Variants in VIT observed in about 807,000 individuals in gnomAD.
VIT encodes the protein vitrin.
A neutral mutation model predicts 78.0 loss-of-function variants in VIT; 99 were observed. The ratio of observed to expected loss-of-function variants is 1.27; its 90% CI spans 1.08 to 1.50. The LOEUF (loss-of-function observed/expected upper bound fraction) is 1.50, where lower values mean the gene tolerates loss of function less well. VIT is among the 40% of genes most tolerant of loss of function. VIT has a pLI of 0.00. For synonymous variants in VIT, 374 were observed against 334.3 expected (o/e 1.12, Z -1.29); for missense variants, 1,126 against 875.3 (o/e 1.29, Z -3.61).
intron 10 of VIT, among the ~76,000 whole-genome samples, chr2:36,782,398 C>T (rs1379680004): frequency 6.6e-6 from 1 of 152,194 alleles, no homozygotes; most frequent in Non-Finnish European, 1.5e-5. Context: ...GTGGGATGAG[C>T]TAGCTGACCT....
chr2:36,759,248 T>G, intron 6 of VIT: 1 of 1,506,542 alleles, frequency 6.6e-7, no homozygotes, highest in Non-Finnish European at 8.9e-7. Flanking sequence ...TTATTTTTTG[T>G]TTTTGCAATT....
At chr2:36,786,973 G>A (rs1665138311) in intron 11 of VIT, among the ~76,000 whole-genome samples, 156 bp from the exon 12 acceptor site, 1 of 152,212 alleles carries the variant, frequency 6.6e-6, no homozygotes, top group African/African-American at 2.4e-5. Flanking sequence ...GGAAACCCCT[G>A]TGGGATGTAA....
chr2:36,734,589 T>C (rs1162734118), intron 3 of VIT, among the ~76,000 whole-genome samples: 3 of 152,168 alleles, frequency 2.0e-5, no homozygotes, highest in East Asian at 3.9e-4. Context: ...ATGGGAAAAA[T>C]GGGAGAAGGA....
chr2:36,745,686 A>G (rs932821507), intron 4 of VIT, among the ~76,000 whole-genome samples: 1 of 152,212 alleles, frequency 6.6e-6, no homozygotes, highest in African/African-American at 2.4e-5. Context: ...GAAATCATTT[A>G]TCAGCTCAAG....
intron 7 of VIT, among the ~76,000 whole-genome samples, chr2:36,769,644 T>C (rs1669631616): frequency 6.6e-6 from 1 of 152,234 alleles, no homozygotes; most frequent in Non-Finnish European, 1.5e-5. Flanking sequence ...TGAAAATTAA[T>C]ATTTAATTGC....
intron 2 of VIT, among the ~76,000 whole-genome samples, chr2:36,719,804 G>A (rs1301901480): frequency 1.3e-5 from 2 of 152,068 alleles, no homozygotes; most frequent in Non-Finnish European, 2.9e-5. Flanking sequence ...ATCCAGGTGT[G>A]GTGGCATGTG....
intron 2 of VIT, among the ~76,000 whole-genome samples, chr2:36,720,839 A>G (rs1349288975): frequency 6.6e-6 from 1 of 152,130 alleles, no homozygotes; most frequent in Non-Finnish European, 1.5e-5. Context: ...CAAAATCCCC[A>G]TCTCTACTAA....
Position 36,805,676 on chromosome 2 carries a change from C to G in VIT, c.1389+12C>G, listed in dbSNP as rs771812003. The G allele has an allele frequency of 5.4e-5, 86 of 1,604,836 alleles. No homozygotes were observed. Among genetic ancestry groups the G allele is most frequent in the Non-Finnish European group, 7.2e-5 (84 of 1,173,758 alleles). On this transcript the variant is annotated intron_variant, in intron 14 of 15. Transcript: ENST00000379242. Reference sequence around the variant, plus strand: ...ACTTTGCAAACAAGGTAGATGACTGCCCGGAGACCTACCCAACATCAGGAT... The same window carrying G: ...ACTTTGCAAACAAGGTAGATGACTGGCCGGAGACCTACCCAACATCAGGAT...
intron 6 of VIT, 191 bp downstream of exon 6, chr2:36,759,237 T>C (rs1668963821): frequency 1.3e-6 from 2 of 1,518,492 alleles, no homozygotes; most frequent in African/African-American, 1.4e-5. Flanking sequence ...GAATGAAAGC[T>C]TTATTTTTTG....
At chr2:36,707,699 G>C (rs1157678218) in intron 1 of VIT, among the ~76,000 whole-genome samples, 1 of 152,154 alleles carries the variant, frequency 6.6e-6, no homozygotes, top group Non-Finnish European at 1.5e-5. Context: ...ACGATGCTCT[G>C]CGTAGGCCAC....
chr2:36,719,338 G>C (rs1666351549), intron 2 of VIT, among the ~76,000 whole-genome samples: 1 of 152,100 alleles, frequency 6.6e-6, no homozygotes, highest in Non-Finnish European at 1.5e-5. Flanking sequence ...GTCCTACCCA[G>C]AGCAATTAGA....
intron 12 of VIT, among the ~76,000 whole-genome samples, chr2:36,799,095 C>T (rs1310329417): frequency 6.6e-6 from 1 of 152,184 alleles, no homozygotes; most frequent in Non-Finnish European, 1.5e-5. Flanking sequence ...TTTAAATTTC[C>T]TGTCTTCCCT....
Position 36,808,716 on chromosome 2 carries a change from C to G in VIT, c.1634C>G (p.Thr545Arg), listed in dbSNP as rs1002597571. 6.2e-7 allele frequency: 1 copy of G among 1,614,232 alleles called. No homozygotes were observed. Among genetic ancestry groups the G allele is most frequent in the South Asian group, 1.1e-5 (1 of 91,088 alleles). The part of the protein sequence containing the change: ...NLTKEFEISD[T>R]DTRIGAVQYT... ...ACCAAAGAGTTTGAGATTTCCGACA[C>G]GGACACGCGCATCGGGGCCGTGCAG... The change falls in exon 15 of 16, where the codon ACG (threonine) becomes AGG (arginine). Residue 545 changes from threonine (T) to arginine (R), a missense_variant. Physicochemically the swap from Thr to Arg is moderately conservative, Grantham distance 71. Coordinates refer to ENST00000379242, the MANE Select transcript of VIT (RefSeq NM_053276.4).
At chr2:36,733,348 C>T (rs1056638104) in intron 3 of VIT, among the ~76,000 whole-genome samples, 7 of 152,144 alleles carry the variant, frequency 4.6e-5, no homozygotes, top group Admixed American at 3.9e-4. Context: ...CTCTCTCCCC[C>T]CCTCTCTCTC....
At chr2:36,787,320 A>T (rs371955413) in intron 12 of VIT, 44 bp downstream of exon 12, 1 of 1,583,724 alleles carries the variant, frequency 6.3e-7, no homozygotes, top group Admixed American at 1.8e-5. Flanking sequence ...AAGTCATGCC[A>T]TGTGCTTAAT....
At chr2:36,733,306 G>A (rs1386490260) in intron 3 of VIT, among the ~76,000 whole-genome samples, 4 of 152,074 alleles carry the variant, frequency 2.6e-5, no homozygotes, top group Admixed American at 6.5e-5. Context: ...TTCTCTCTGT[G>A]CATCTCTCTC....
chr2:36,774,745 A>C, intron 8 of VIT: 6 of 985,212 alleles, frequency 6.1e-6, no homozygotes, highest in Non-Finnish European at 7.2e-6. Flanking sequence ...CAGGGCAAGG[A>C]CTCCAAGGCC....
chr2:36,755,181 T>C (rs778121706), intron 5 of VIT, 127 bp downstream of exon 5: 28 of 1,078,978 alleles, frequency 2.6e-5, no homozygotes, highest in Non-Finnish European at 3.4e-5. Flanking sequence ...TTCGTTTTTC[T>C]GATAATTAGA....
chr2:36,716,164 T>C (rs1174450841), intron 1 of VIT, among the ~76,000 whole-genome samples, 189 bp from the exon 2 acceptor site: 1 of 152,194 alleles, frequency 6.6e-6, no homozygotes, highest in Non-Finnish European at 1.5e-5. Flanking sequence ...TAACTGAGAA[T>C]AGCATCTCTG....
Sources: gnomAD v4.1 joint callset for allele counts (sites outside exome capture counted in the v4.1 genomes callset) on GRCh38, gnomAD v4.1.1 for gene constraint, MANE v1.5 for transcripts, NCBI Gene and HGNC (gene_info 2026-07-23, HGNC 2026-07-21) for gene names.